NELL2: variants seen among roughly 807,000 people sequenced by gnomAD.
NELL2 encodes protein kinase C-binding protein NELL2.
In NELL2, 41 loss-of-function variants were observed where a neutral mutation model predicts 109.6. The observed-to-expected ratio is 0.37, with a 90% confidence interval of 0.29 to 0.49. NELL2 has a LOEUF of 0.49. NELL2 is among the 20% of genes least tolerant of loss of function. The probability of loss-of-function intolerance (pLI) is 0.98; values close to 1 mark genes in which losing one functional copy is unlikely to be tolerated. For synonymous variants in NELL2, 355 were observed against 344.7 expected (o/e 1.03, Z -0.33); for missense variants, 900 against 1,008.3 (o/e 0.89, Z 1.45).
rs1309730117 is a variant in NELL2 at position 44,601,539 on chromosome 12, GA to G, written c.1663+5629del. 3.9e-5 allele frequency among the ~76,000 whole-genome samples: 6 copies of G among 152,234 alleles called. No individual in the cohort carries two copies. In the East Asian group the frequency reaches 1.2e-3, roughly 29 times the overall value. On this transcript the variant is annotated intron_variant, in intron 15 of 19. Transcript: ENST00000429094. ...TAAAACTGGTTTATGAATGGATCAA[GA>G]AAACTAGAATCCTTTATTGCTCTTA...
At chr12:44,555,639 C>T (rs1943223383) in intron 15 of NELL2, among the ~76,000 whole-genome samples, 1 of 152,038 alleles carries the variant, frequency 6.6e-6, no homozygotes, top group Non-Finnish European at 1.5e-5. Flanking sequence ...AAATTTCAGG[C>T]CCACTGTATT....
chr12:44,913,519 T>A (rs951413275), intron 1 of NELL2, among the ~76,000 whole-genome samples: 1 of 152,184 alleles, frequency 6.6e-6, no homozygotes, highest in Non-Finnish European at 1.5e-5. Context: ...AGGAATTTTC[T>A]CCTTCCCAGT....
intron 13 of NELL2, among the ~76,000 whole-genome samples, chr12:44,657,330 A>AGT (rs769853837): frequency 2.6e-5 from 4 of 152,146 alleles, no homozygotes; most frequent in Non-Finnish European, 4.4e-5. Context: ...AGAGAGAGAG[A>AGT]GTGTGTGTGC....
intron 1 of NELL2, among the ~76,000 whole-genome samples, chr12:44,885,994 A>G (rs1945466324): frequency 6.6e-6 from 1 of 151,758 alleles, no homozygotes; most frequent in South Asian, 2.1e-4. Context: ...ATAATGGTTA[A>G]TTGATTTTTT....
intron 12 of NELL2, among the ~76,000 whole-genome samples, chr12:44,701,117 T>TCA (rs1949214797): frequency 6.6e-6 from 1 of 152,110 alleles, no homozygotes; most frequent in African/African-American, 2.4e-5. Flanking sequence ...TAAAAAGGTG[T>TCA]TCCTTCTAAG....
chr12:44,523,264 T>C, intron 17 of NELL2, 27 bp downstream of exon 17: 10 of 1,611,836 alleles, frequency 6.2e-6, no homozygotes, highest in Non-Finnish European at 8.5e-6. Context: ...TGAATAAAAT[T>C]AATTAAAGTT....
At chr12:44,597,049 G>A (rs1057502822) in intron 15 of NELL2, among the ~76,000 whole-genome samples, 4 of 152,088 alleles carry the variant, frequency 2.6e-5, no homozygotes, top group Admixed American at 6.6e-5. Flanking sequence ...TTAGCATTTC[G>A]TTATCTAGAC....
intron 12 of NELL2, among the ~76,000 whole-genome samples, chr12:44,683,264 G>T (rs1168699417): frequency 6.6e-6 from 1 of 151,974 alleles, no homozygotes; most frequent in East Asian, 1.9e-4. Flanking sequence ...TTTGCACATT[G>T]ATTTTGTATC....
chr12:44,778,594 T>C (rs1431685017), intron 5 of NELL2, among the ~76,000 whole-genome samples: 4 of 151,946 alleles, frequency 2.6e-5, no homozygotes, highest in Non-Finnish European at 5.9e-5. Context: ...AGAGATGAGA[T>C]TTGGGACTCA....
At chr12:44,635,101 T>A (rs189799627) in intron 13 of NELL2, among the ~76,000 whole-genome samples, 1 of 152,210 alleles carries the variant, frequency 6.6e-6, no homozygotes, top group African/African-American at 2.4e-5. Flanking sequence ...TGTCTATTCG[T>A]ATCCTTTGCC....
At chr12:44,579,163 T>C (rs1309180100) in intron 15 of NELL2, among the ~76,000 whole-genome samples, 2 of 152,190 alleles carry the variant, frequency 1.3e-5, no homozygotes, top group Non-Finnish European at 2.9e-5. Flanking sequence ...TGAATTGTTG[T>C]CATTTTGATT....
intron 15 of NELL2, among the ~76,000 whole-genome samples, chr12:44,545,454 A>G (rs1422755328): frequency 6.6e-6 from 1 of 152,108 alleles, no homozygotes; most frequent in Non-Finnish European, 1.5e-5. Context: ...GACACTGTGG[A>G]AATATATTCA....
chr12:44,593,376 G>C (rs1211475224), intron 15 of NELL2, among the ~76,000 whole-genome samples: 6 of 152,098 alleles, frequency 3.9e-5, no homozygotes, highest in Admixed American at 1.3e-4. Context: ...AGGGAGAGGA[G>C]TAACAGTAAA....
chr12:44,536,209 G>A (rs1259339817), intron 15 of NELL2, among the ~76,000 whole-genome samples: 31 of 151,652 alleles, frequency 2.0e-4, no homozygotes, highest in Admixed American at 2.0e-3. Context: ...GTGATTTGAT[G>A]GTATGCATAT....
At chr12:44,716,138 T>C (rs1312594321) in intron 9 of NELL2, among the ~76,000 whole-genome samples, 1 of 152,084 alleles carries the variant, frequency 6.6e-6, no homozygotes, top group African/African-American at 2.4e-5. Context: ...TGTACAAATA[T>C]TCATTCCCAA....
intron 2 of NELL2, among the ~76,000 whole-genome samples, chr12:44,835,271 C>T (rs887862416): frequency 5.3e-5 from 8 of 152,172 alleles, no homozygotes; most frequent in African/African-American, 1.7e-4. Flanking sequence ...GGCCAGACAG[C>T]CAACAGGAAG....
intron 15 of NELL2, among the ~76,000 whole-genome samples, chr12:44,550,284 C>A (rs181181068): frequency 6.6e-6 from 1 of 152,046 alleles, no homozygotes. Context: ...ATTAAAAATA[C>A]AATGACTACA....
chr12:44,780,165 C>A, intron 3 of NELL2, 143 bp from the exon 4 acceptor site: 1 of 829,070 alleles, frequency 1.2e-6, no homozygotes, highest in Non-Finnish European at 1.8e-6. Context: ...AAAACAAACA[C>A]AGAAGAATCT....
chr12:44,531,503 C>T (rs1186416441), intron 16 of NELL2, among the ~76,000 whole-genome samples: 1 of 152,078 alleles, frequency 6.6e-6, no homozygotes, highest in Non-Finnish European at 1.5e-5. Flanking sequence ...CAGGTTTTAG[C>T]CCCCAGTAAG....
Sources: allele counts gnomAD v4.1 joint callset (sites outside exome capture counted in the v4.1 genomes callset), GRCh38; gene constraint gnomAD v4.1.1; transcripts MANE v1.5; gene names NCBI Gene and HGNC (gene_info 2026-07-23, HGNC 2026-07-21).